TESC: variants seen among roughly 807,000 people sequenced by gnomAD.
TESC encodes tescalcin, also known as calcineurin B homologous protein 3.
TESC carries 19 observed loss-of-function variants against 31.0 expected under a neutral mutation model. The observed-to-expected ratio is 0.61, with a 90% CI of 0.43 to 0.90. The LOEUF (loss-of-function observed/expected upper bound fraction) is 0.90, where lower values mean the gene tolerates loss of function less well. Among genes scored for constraint, TESC ranks in the 40% least tolerant of loss-of-function variants. The pLI is 0.00. For missense variants in TESC, 248 were observed against 303.8 expected, an observed-to-expected ratio of 0.82 and a Z score of 1.36; for synonymous variants, 109 against 114.8, an observed-to-expected ratio of 0.95 and a Z score of 0.32.
chr12:117,098,050 A>C (rs897225875), intron 1 of TESC, among the ~76,000 whole-genome samples: 2 of 152,128 alleles, frequency 1.3e-5, no homozygotes, highest in African/African-American at 4.8e-5. Context: ...GGTTTTCTGC[A>C]ATTTTCATCC....
At chr12:117,051,088 T>C (rs565856131) in intron 3 of TESC, among the ~76,000 whole-genome samples, 91 of 152,328 alleles carry the variant, frequency 6.0e-4, no homozygotes, top group African/African-American at 2.1e-3. Flanking sequence ...AGCCTCTCAC[T>C]GTGGCCCTTC....
chr12:117,062,505 A>C (rs962467466), intron 2 of TESC, among the ~76,000 whole-genome samples: 5 of 152,152 alleles, frequency 3.3e-5, no homozygotes, highest in African/African-American at 4.8e-5. Flanking sequence ...TACAGGTGTG[A>C]GCCACTGCAC....
intron 4 of TESC, chr12:117,048,534 A>G (rs1350586132): frequency 2.7e-6 from 1 of 367,184 alleles, no homozygotes; most frequent in Non-Finnish European, 5.4e-6. Context: ...GAGCCAGAAC[A>G]TAGTGGGGCT....
At chr12:117,049,381 G>A (rs1166385510) in intron 3 of TESC, among the ~76,000 whole-genome samples, 2 of 152,234 alleles carry the variant, frequency 1.3e-5, no homozygotes, top group East Asian at 3.8e-4. Flanking sequence ...CTCATCATCA[G>A]GGAGGTGGAA....
intron 4 of TESC, 106 bp from the exon 5 acceptor site, chr12:117,046,944 A>C: frequency 3.9e-4 from 477 of 1,216,756 alleles, no homozygotes; most frequent in Non-Finnish European, 5.1e-4. Context: ...ACCAAACCTC[A>C]ATGCCAAAGC....
chr12:117,050,790 T>C (rs576958845), intron 3 of TESC, among the ~76,000 whole-genome samples: 50 of 152,228 alleles, frequency 3.3e-4, no homozygotes, highest in African/African-American at 1.2e-3. Context: ...ATGGGTGCGG[T>C]GGTGTGCACC....
rs1331684464 is a variant in TESC at position 117,056,900 on chromosome 12, A to T, written c.129-14T>A. On this transcript the variant is annotated splice_polypyrimidine_tract_variant and intron_variant, in intron 2 of 7. Transcript: ENST00000335209. The stretch of plus-strand genomic sequence containing the variant: ...AAGTTCTCCTTGCTGGTTTCCAAGA[A>T]GGAGAGATACCGGGAAGAGAATAAG... 6.2e-7 allele frequency: 1 copy of T among 1,613,710 alleles called. No individual in the cohort carries two copies. The highest frequency in any genetic ancestry group is 1.1e-5 in the South Asian group (1 of 91,066).
Position 117,075,121 on chromosome 12 carries a change from G to A in TESC, c.128+150C>T, listed in dbSNP as rs1029242106. On this transcript the variant is annotated intron_variant, in intron 2 of 7. Transcript: ENST00000335209. ...AGACAGCACCACTGCACTCCAGCCT[G>A]GGCGACGGAGCGAGACTCCATCTCC... The A allele has an allele frequency of 6.1e-5, 47 of 766,126 alleles. No homozygotes were observed. The South Asian group carries it at 7.0e-4, about 11-fold the overall frequency. 47.5% of individuals were successfully genotyped at this position (766,126 alleles called of 1,614,324 possible). A position where few individuals can be genotyped will look rare whatever the true frequency, so the allele number is the denominator to read the frequency against.
At chr12:117,070,066 T>G (rs535779441) in intron 2 of TESC, among the ~76,000 whole-genome samples, 2 of 152,312 alleles carry the variant, frequency 1.3e-5, no homozygotes, top group African/African-American at 4.8e-5. Context: ...TGTGGGGGAA[T>G]GTCCCCAGAA....
chr12:117,088,610 G>A (rs1955254197), intron 1 of TESC, among the ~76,000 whole-genome samples: 2 of 152,004 alleles, frequency 1.3e-5, no homozygotes, highest in African/African-American at 4.8e-5. Context: ...GAACCTGGGA[G>A]GCGGAGGTGG....
At position 117,075,851 on chromosome 12, in the gene TESC, A is replaced by ATATATATATATATATGTG. The variant is rs1955047069; in HGVS notation, c.59-512_59-511insCACATATATATATATATA. 6.0e-4 allele frequency among the ~76,000 whole-genome samples: 32 copies of ATATATATATATATATGTG among 53,728 alleles called. 1 individual carries two copies. Among genetic ancestry groups the ATATATATATATATATGTG allele is most frequent in the South Asian group, 5.4e-3 (7 of 1,302 alleles). 35.2% of individuals were successfully genotyped at this position (53,728 alleles called of 152,430 possible). The stretch of plus-strand genomic sequence containing the variant: ...GGCTAATTTTCGTGTGTGTGTGTAT[A>ATATATATATATATATGTG]TATATATATATATATATATGTGTGT... On this transcript the variant is annotated intron_variant, in intron 1 of 7. Transcript: ENST00000335209.
intron 2 of TESC, among the ~76,000 whole-genome samples, chr12:117,060,458 T>C (rs1260646333): frequency 1.3e-5 from 2 of 152,104 alleles, no homozygotes; most frequent in East Asian, 1.9e-4. Context: ...TTGCCCTTTT[T>C]CCTCATTAGT....
At chr12:117,051,193 C>T (rs1224146777) in intron 3 of TESC, among the ~76,000 whole-genome samples, 1 of 152,216 alleles carries the variant, frequency 6.6e-6, no homozygotes, top group Non-Finnish European at 1.5e-5. Context: ...ACGACTGCAC[C>T]TCCATGTAAA....
chr12:117,040,797 C>T (rs957167640), intron 7 of TESC, among the ~76,000 whole-genome samples: 58 of 152,182 alleles, frequency 3.8e-4, no homozygotes, highest in Non-Finnish European at 4.4e-4. Flanking sequence ...TCTCTCCTGC[C>T]GGTTCTAACC....
intron 2 of TESC, among the ~76,000 whole-genome samples, chr12:117,057,946 G>A (rs994737016): frequency 2.6e-5 from 4 of 152,146 alleles, no homozygotes; most frequent in South Asian, 2.1e-4. Context: ...GAGCCCGGGC[G>A]CCGTAGCTCA....
chr12:117,073,415 C>G (rs1461148975), intron 2 of TESC, among the ~76,000 whole-genome samples: 3 of 152,112 alleles, frequency 2.0e-5, no homozygotes, highest in African/African-American at 7.2e-5. Context: ...TTTAAGTCGG[C>G]CTTGGATGCA....
At chr12:117,046,500 A>T (rs1592992582) in intron 6 of TESC, 59 bp downstream of exon 6, 1 of 1,476,130 alleles carries the variant, frequency 6.8e-7, no homozygotes, top group East Asian at 2.5e-5. Flanking sequence ...CCTTCCAGAA[A>T]CGCAGACCAT....
intron 7 of TESC, among the ~76,000 whole-genome samples, chr12:117,040,129 C>G (rs1454133875): frequency 6.6e-6 from 1 of 152,242 alleles, no homozygotes; most frequent in Non-Finnish European, 1.5e-5. Flanking sequence ...CCCGTGGGCA[C>G]CCAGGCGACA....
intron 3 of TESC, among the ~76,000 whole-genome samples, chr12:117,051,409 G>A (rs915995785): frequency 3.3e-5 from 5 of 152,142 alleles, no homozygotes; most frequent in Non-Finnish European, 7.3e-5. Flanking sequence ...CCATCTGCGG[G>A]ATGAGATCTG....
Sources: gnomAD v4.1 joint callset for allele counts (sites outside exome capture counted in the v4.1 genomes callset) on GRCh38, gnomAD v4.1.1 for gene constraint, MANE v1.5 for transcripts, NCBI Gene and HGNC (gene_info 2026-07-23, HGNC 2026-07-21) for gene names.